GALNT13: variants seen among roughly 807,000 people sequenced by gnomAD.
GALNT13 encodes UDP-GalNAc:polypeptide N-acetylgalactosaminyltransferase 13.
GALNT13 carries 28 observed loss-of-function variants against 64.2 expected under a neutral mutation model. The ratio of observed to expected loss-of-function variants is 0.44; its 90% CI spans 0.32 to 0.60. The LOEUF (loss-of-function observed/expected upper bound fraction) is 0.60, where lower values mean the gene tolerates loss of function less well. GALNT13 is among the 20% of genes least tolerant of loss of function. The pLI is 0.05. For synonymous variants in GALNT13, 214 were observed against 224.6 expected, an observed-to-expected ratio of 0.95 and a Z score of 0.42; for missense variants, 577 against 669.8, an observed-to-expected ratio of 0.86 and a Z score of 1.53.
chr2:153,680,779 C>G, the GALNT13 span, among the ~76,000 whole-genome samples: 2 of 151,900 alleles, frequency 1.3e-5, no homozygotes, highest in Non-Finnish European at 2.9e-5. Context: ...TTACTCAAGA[C>G]TGTAATATTT....
chr2:153,139,682 C>T, the GALNT13 span, among the ~76,000 whole-genome samples: 1 of 151,946 alleles, frequency 6.6e-6, no homozygotes, highest in Non-Finnish European at 1.5e-5. Context: ...CAAGGCTTCT[C>T]AGGAGGAGGA....
At chr2:154,221,394 T>A (rs535346497) in intron 4 of GALNT13, among the ~76,000 whole-genome samples, 64 of 152,240 alleles carry the variant, frequency 4.2e-4, no homozygotes, top group African/African-American at 1.5e-3. Context: ...CTTATTTGAA[T>A]AACTCCTTGA....
chr2:153,865,497 G>A, the GALNT13 span, among the ~76,000 whole-genome samples: 27 of 132,652 alleles, frequency 2.0e-4, no homozygotes, highest in African/African-American at 6.1e-4. Flanking sequence ...AAAACTGGGC[G>A]AAGGACATGA....
At chr2:153,540,968 T>A in the GALNT13 span, among the ~76,000 whole-genome samples, 1 of 152,120 alleles carries the variant, frequency 6.6e-6, no homozygotes, top group African/African-American at 2.4e-5. Context: ...GAGCTAAGAC[T>A]TTGGGGGACT....
chr2:153,557,486 G>C, the GALNT13 span, among the ~76,000 whole-genome samples: 1 of 152,128 alleles, frequency 6.6e-6, no homozygotes, highest in African/African-American at 2.4e-5. Flanking sequence ...CCTTGCCAAG[G>C]CTATGAGTTA....
the GALNT13 span, among the ~76,000 whole-genome samples, chr2:153,508,829 C>A: frequency 1.3e-5 from 2 of 152,188 alleles, no homozygotes; most frequent in African/African-American, 4.8e-5. Flanking sequence ...CAAGTGGGAG[C>A]TGCATGGTAG....
At chr2:153,883,831 C>A (rs1365239193) in intron 1 of GALNT13, among the ~76,000 whole-genome samples, 1 of 151,920 alleles carries the variant, frequency 6.6e-6, no homozygotes, top group Non-Finnish European at 1.5e-5. Flanking sequence ...TAGTTGGCTC[C>A]AAAATGAATA....
the GALNT13 span, among the ~76,000 whole-genome samples, chr2:153,768,148 A>T: frequency 6.6e-6 from 1 of 152,226 alleles, no homozygotes; most frequent in Non-Finnish European, 1.5e-5. Flanking sequence ...AACTGAGTCC[A>T]AGAAATTATT....
the GALNT13 span, among the ~76,000 whole-genome samples, chr2:153,645,950 G>A: frequency 6.6e-6 from 1 of 152,042 alleles, no homozygotes; most frequent in Non-Finnish European, 1.5e-5. Flanking sequence ...CATTTGTGGA[G>A]AGTGTTTTAC....
intron 4 of GALNT13, among the ~76,000 whole-genome samples, chr2:154,155,783 T>C (rs900700481): frequency 6.6e-6 from 1 of 151,942 alleles, no homozygotes; most frequent in Admixed American, 6.6e-5. Flanking sequence ...TGAATTTTAA[T>C]ATTTAATGTT....
At chr2:153,305,064 G>C in the GALNT13 span, among the ~76,000 whole-genome samples, 2 of 151,992 alleles carry the variant, frequency 1.3e-5, no homozygotes. Context: ...TTTGATTCAG[G>C]CATTCAAAAA....
chr2:154,048,262 T>C (rs1699389876), intron 3 of GALNT13, among the ~76,000 whole-genome samples: 1 of 152,054 alleles, frequency 6.6e-6, no homozygotes, highest in African/African-American at 2.4e-5. Flanking sequence ...TCCAGTCACC[T>C]CCCACGGGGT....
At chr2:153,148,274 C>A in the GALNT13 span, among the ~76,000 whole-genome samples, 1 of 151,820 alleles carries the variant, frequency 6.6e-6, no homozygotes, top group South Asian at 2.1e-4. Context: ...TGTAACAAAG[C>A]ACCTGAGAGA....
the GALNT13 span, among the ~76,000 whole-genome samples, chr2:153,590,645 C>T: frequency 6.6e-6 from 1 of 152,092 alleles, no homozygotes; most frequent in African/African-American, 2.4e-5. Context: ...AAGTTTTATA[C>T]AGCAATGCAA....
chr2:154,152,711 A>G (rs1684122562), intron 4 of GALNT13, among the ~76,000 whole-genome samples: 1 of 152,090 alleles, frequency 6.6e-6, no homozygotes, highest in South Asian at 2.1e-4. Flanking sequence ...TCTTTCTTCC[A>G]GTTGATCGCA....
At chr2:154,037,018 C>T (rs1479949901) in intron 3 of GALNT13, among the ~76,000 whole-genome samples, 1 of 151,822 alleles carries the variant, frequency 6.6e-6, no homozygotes, top group Non-Finnish European at 1.5e-5. Flanking sequence ...TATTCTGAAA[C>T]CAGAAACAAC....
the GALNT13 span, among the ~76,000 whole-genome samples, chr2:153,595,273 C>T: frequency 1.3e-5 from 2 of 150,444 alleles, no homozygotes; most frequent in Non-Finnish European, 3.0e-5. Context: ...AAAAATCACA[C>T]TCAAAGTAGA....
At chr2:154,455,618 A>AT (rs1396553381), downstream of GALNT13, among the ~76,000 whole-genome samples, 4 of 152,184 alleles carry the variant, frequency 2.6e-5, no homozygotes, top group Admixed American at 2.0e-4. Flanking sequence ...ACATGGACAC[A>AT]TCTGTTGTGA....
At chr2:153,249,224 T>C in the GALNT13 span, among the ~76,000 whole-genome samples, 9 of 152,110 alleles carry the variant, frequency 5.9e-5, no homozygotes, top group Non-Finnish European at 1.3e-4. Context: ...CAAGTATTCC[T>C]ATACACCAAT....
Sources: gnomAD v4.1 joint callset for allele counts (sites outside exome capture counted in the v4.1 genomes callset) on GRCh38, gnomAD v4.1.1 for gene constraint, MANE v1.5 for transcripts, NCBI Gene and HGNC (gene_info 2026-07-23, HGNC 2026-07-21) for gene names.